Variants in SLFN5 observed in about 807,000 individuals in gnomAD.
SLFN5 encodes the protein schlafen family member 5.
SLFN5 carries 34 observed loss-of-function variants against 48.5 expected under a neutral mutation model. The observed-to-expected ratio is 0.70, with a 90% CI of 0.53 to 0.93. The LOEUF is 0.93. SLFN5 is among the 40% of genes least tolerant of loss of function. The probability of loss-of-function intolerance (pLI) is 0.00; values close to 1 mark genes in which losing one functional copy is unlikely to be tolerated. For missense variants in SLFN5, 1,006 were observed against 1,071.3 expected, an observed-to-expected ratio of 0.94 and a Z score of 0.85; for synonymous variants, 387 against 396.2, an observed-to-expected ratio of 0.98 and a Z score of 0.28.
At position 35,269,357 on chromosome 17, in the gene SLFN5, G is replaced by T. The variant is rs2142710327; in HGVS notation, c.*3469G>T. The stretch of plus-strand genomic sequence containing the variant: ...AAGTTAAGTTTAAATCCATTCACAT[G>T]TATATAATTAAGATATATAGGAATT... On this transcript the variant is annotated 3_prime_UTR_variant, in exon 5 of 5. Transcript: ENST00000299977. 1.3e-5 allele frequency: 2 copies of T among 152,172 alleles called. No homozygotes were observed. The highest frequency in any genetic ancestry group is 4.1e-4 in the South Asian group (2 of 4,824). 9.4% of individuals were successfully genotyped at this position (152,172 alleles called of 1,614,324 possible).
chr17:35,266,145 TGTG>T lies in SLFN5; in HGVS notation c.*258_*260del. 9.7e-6 allele frequency: 1 copy of T among 103,094 alleles called. No homozygotes were observed. The highest frequency in any genetic ancestry group is 1.6e-5 in the Non-Finnish European group (1 of 60,656). The allele number at this position is 103,094 out of a possible 1,614,324, so 6.4% of individuals were successfully genotyped here. ...TAGAGGACCGTGAGACTCAGAGATG[TGTG>T]TGTGTGTGTGTGTGTGTGTGTGTGT... On this transcript the variant is annotated 3_prime_UTR_variant, in exon 5 of 5. Transcript: ENST00000299977.
In SLFN5 at chr17:35,264,676, A is replaced by C. The variant is rs1462832131; in HGVS notation, c.1632A>C (p.Leu544Phe). Residue 544 changes from leucine (L) to phenylalanine (F), a missense_variant, in exon 4 of 5, where the codon TTA (leucine) becomes TTC (phenylalanine). Transcript: ENST00000299977. Reference sequence around the variant, plus strand: ...TCTTGCTTGGGTTCAAATCCTTCTTAAGTGAAGAGCTGGGCTCTGAGGTTT... The same window carrying C: ...TCTTGCTTGGGTTCAAATCCTTCTTCAGTGAAGAGCTGGGCTCTGAGGTTT... ...VIVLLGFKSFLSEELGSEVLN... is the reference protein window; with the variant it reads ...VIVLLGFKSFFSEELGSEVLN... 2 of 1,613,350 alleles carry C rather than the reference A, an allele frequency of 1.2e-6. No individual in the cohort carries two copies. Among genetic ancestry groups the C allele is most frequent in the Non-Finnish European group, 1.7e-6 (2 of 1,179,734 alleles).
rs2671820 is a variant in SLFN5, at chr17:35,271,690, A to G, written c.*5802A>G. The G allele has an allele frequency of 2.2e-3, 328 of 152,312 alleles. No individual in the cohort carries two copies. Among genetic ancestry groups the G allele is most frequent in the African/African-American group, 7.5e-3 (310 of 41,578 alleles). 9.4% of individuals were successfully genotyped at this position (152,312 alleles called of 1,614,324 possible). A position where few individuals can be genotyped will look rare whatever the true frequency, so the allele number is the denominator to read the frequency against. The stretch of plus-strand genomic sequence containing the variant: ...AATCTATAAATTCAGTGTAATCCCA[A>G]TAAAAATGCCAACAGGTTTTCCCCA... On this transcript the variant is annotated 3_prime_UTR_variant, in exon 5 of 5. Coordinates refer to ENST00000299977, the MANE Select transcript of SLFN5 (RefSeq NM_144975.4).
chr17:35,263,091 C>T (rs1369711213), intron 3 of SLFN5, among the ~76,000 whole-genome samples: 4 of 152,248 alleles, frequency 2.6e-5, no homozygotes, highest in African/African-American at 9.6e-5. Flanking sequence ...ATGTCAGCAA[C>T]ACAAACTGCT....
chr17:35,269,816 A>G lies in SLFN5; in HGVS notation c.*3928A>G, dbSNP rs943649910. The G allele has an allele frequency of 6.6e-6, 1 of 152,254 alleles. No individual in the cohort carries two copies. The highest frequency in any genetic ancestry group is 1.5e-5 in the Non-Finnish European group (1 of 68,052). 9.4% of individuals were successfully genotyped at this position (152,254 alleles called of 1,614,324 possible). A position where few individuals can be genotyped will look rare whatever the true frequency, so the allele number is the denominator to read the frequency against. On this transcript the variant is annotated 3_prime_UTR_variant, in exon 5 of 5. Coordinates refer to ENST00000299977, the MANE Select transcript of SLFN5 (RefSeq NM_144975.4). The stretch of plus-strand genomic sequence containing the variant: ...GAATATCAGTTACCAAAGTAGGATG[A>G]AAGGATGTTGGGTAGATCAAAACAA...
rs1904720028 is a variant in SLFN5, at chr17:35,267,148, A to G, written c.*1260A>G. On this transcript the variant is annotated 3_prime_UTR_variant, in exon 5 of 5. Coordinates refer to ENST00000299977, the MANE Select transcript of SLFN5 (RefSeq NM_144975.4). ...TTAGTCTATTGTGAAATGTTTTTAC[A>G]ACTAACTTGGAATATACTGCAAATC... is the stretch of plus-strand genomic sequence containing the variant. 1 of 152,238 alleles carries G rather than the reference A, an allele frequency of 6.6e-6. No individual in the cohort carries two copies. The highest frequency in any genetic ancestry group is 1.5e-5 in the Non-Finnish European group (1 of 68,040). The allele number at this position is 152,238 out of a possible 1,614,324, so 9.4% of individuals were successfully genotyped here. A position where few individuals can be genotyped will look rare whatever the true frequency, so the allele number is the denominator to read the frequency against.
chr17:35,260,344 A>G (rs1177998314), intron 2 of SLFN5, among the ~76,000 whole-genome samples: 1 of 152,230 alleles, frequency 6.6e-6, no homozygotes, highest in Non-Finnish European at 1.5e-5. Context: ...AGAAAAAACA[A>G]AGTCCACCTC....
Position 35,259,109 on chromosome 17 carries a change from G to T in SLFN5, c.419G>T (p.Arg140Met). 1 of 1,614,126 alleles carries T rather than the reference G, an allele frequency of 6.2e-7. No individual in the cohort carries two copies. Among genetic ancestry groups the T allele is most frequent in the Non-Finnish European group, 8.5e-7 (1 of 1,180,036 alleles). The change falls in exon 2 of 5, where the codon AGG (arginine) becomes ATG (methionine). Residue 140 changes from arginine (R) to methionine (M), a missense_variant. Transcript: ENST00000299977. ...SQEALAFLKCRTQTPTNINVS... is the reference protein window; with the variant it reads ...SQEALAFLKCMTQTPTNINVS... ...GAAGCTCTGGCATTCCTCAAATGCA[G>T]GACTCAGACTCCAACGAATATTAAT...
chr17:35,250,923 G>A (rs1418878252), intron 1 of SLFN5, among the ~76,000 whole-genome samples: 1 of 152,156 alleles, frequency 6.6e-6, no homozygotes, highest in Non-Finnish European at 1.5e-5. Flanking sequence ...AAGATTATCC[G>A]AAGTTATTGT....
intron 1 of SLFN5, among the ~76,000 whole-genome samples, chr17:35,245,142 T>TCACTTAAAGAAAG (rs1175200726): frequency 2.0e-5 from 3 of 152,224 alleles, no homozygotes; most frequent in Non-Finnish European, 4.4e-5. Flanking sequence ...TTTCACTGTT[T>TCACTTAAAGAAAG]CACTTAAAGA....
At position 35,271,549 on chromosome 17, in the gene SLFN5, C is replaced by T. The variant is rs983944503; in HGVS notation, c.*5661C>T. 1 of 152,008 alleles carries T rather than the reference C, an allele frequency of 6.6e-6. No individual in the cohort carries two copies. The highest frequency in any genetic ancestry group is 2.1e-4 in the South Asian group (1 of 4,810). 9.4% of individuals were successfully genotyped at this position (152,008 alleles called of 1,614,324 possible). A position where few individuals can be genotyped will look rare whatever the true frequency, so the allele number is the denominator to read the frequency against. On this transcript the variant is annotated 3_prime_UTR_variant, in exon 5 of 5. Coordinates refer to ENST00000299977, the MANE Select transcript of SLFN5 (RefSeq NM_144975.4). ...CAACAAGAAAATATAAGTTCTGCAA[C>T]AATAAAACTATACAATGAAACTAAA...
intron 1 of SLFN5, among the ~76,000 whole-genome samples, chr17:35,257,562 T>G (rs78870996): frequency 6.6e-6 from 1 of 152,010 alleles, no homozygotes; most frequent in Admixed American, 6.6e-5. Context: ...TTTTTTTTTT[T>G]GCACTAGTGC....
intron 1 of SLFN5, among the ~76,000 whole-genome samples, chr17:35,248,874 T>C (rs2092436377): frequency 6.6e-6 from 1 of 152,130 alleles, no homozygotes; most frequent in South Asian, 2.1e-4. Context: ...TCTCAGGTGC[T>C]AAATCCTGGA....
chr17:35,252,695 TTCA>T (rs1336906722), intron 1 of SLFN5, among the ~76,000 whole-genome samples: 1 of 152,200 alleles, frequency 6.6e-6, no homozygotes, highest in Admixed American at 6.5e-5. Flanking sequence ...TTTTCTAGTG[TTCA>T]TCAAATTTTC....
chr17:35,273,617 T>C lies in SLFN5; in HGVS notation c.*7729T>C, dbSNP rs1904888190. The C allele has an allele frequency of 8.1e-6, 1 of 122,984 alleles. No homozygotes were observed. Among genetic ancestry groups the C allele is most frequent in the South Asian group, 2.7e-4 (1 of 3,648 alleles). 7.6% of individuals were successfully genotyped at this position (122,984 alleles called of 1,614,324 possible). A position where few individuals can be genotyped will look rare whatever the true frequency, so the allele number is the denominator to read the frequency against. On this transcript the variant is annotated 3_prime_UTR_variant, in exon 5 of 5. Coordinates refer to ENST00000299977, the MANE Select transcript of SLFN5 (RefSeq NM_144975.4). ...TAACATTTTTATATTTGCTTCAAGC[T>C]TTTTTTTTAAATAAAAGAAATGCAA... is the stretch of plus-strand genomic sequence containing the variant.
In SLFN5 at chr17:35,257,002, G is replaced by A. The variant is rs118058857; in HGVS notation, c.-40-1649G>A. On this transcript the variant is annotated intron_variant, in intron 1 of 4. Transcript: ENST00000299977. Reference sequence around the variant, plus strand: ...ATGAACCCTATTGTGAACTGTGCATGTGAGGGATCTAGGCTGCGCACTCCT... The same window carrying A: ...ATGAACCCTATTGTGAACTGTGCATATGAGGGATCTAGGCTGCGCACTCCT... Among the ~76,000 whole-genome samples the A allele has an allele frequency of 2.2e-3, 335 of 152,282 alleles. 6 individuals carry two copies. The East Asian group carries it at 0.044, about 20-fold the overall frequency.
rs1482461121 is a variant in SLFN5 at position 35,267,510 on chromosome 17, A to C, written c.*1622A>C. 1 of 152,204 alleles carries C rather than the reference A, an allele frequency of 6.6e-6. No individual in the cohort carries two copies. Among genetic ancestry groups the C allele is most frequent in the Admixed American group, 6.6e-5 (1 of 15,264 alleles). 9.4% of individuals were successfully genotyped at this position (152,204 alleles called of 1,614,324 possible). ...AGTTCAAGACCAGCTTGAGCAATAT[A>C]GTGAGACCCTGTCTCTACAAAAACA... is the stretch of plus-strand genomic sequence containing the variant. On this transcript the variant is annotated 3_prime_UTR_variant, in exon 5 of 5. Coordinates refer to ENST00000299977, the MANE Select transcript of SLFN5 (RefSeq NM_144975.4).
intron 1 of SLFN5, among the ~76,000 whole-genome samples, chr17:35,251,451 G>C (rs2092442179): frequency 1.3e-5 from 2 of 152,184 alleles, no homozygotes; most frequent in African/African-American, 4.8e-5. Flanking sequence ...TGTCACCCAG[G>C]CTGGAGTGCA....
In SLFN5 at chr17:35,244,017, G is replaced by T. The variant is rs1437251310; in HGVS notation, c.-41+874G>T. On this transcript the variant is annotated intron_variant, in intron 1 of 4. Transcript: ENST00000299977. ...CGGGGAAAAGTCTTTCTTCGTCTCA[G>T]ATTACATCTTGAACCACCAGACTTC... Among the ~76,000 whole-genome samples, 3 of 152,184 alleles carry T rather than the reference G, an allele frequency of 2.0e-5. No homozygotes were observed. The East Asian group carries it at 5.8e-4, about 29-fold the overall frequency.
Sources: allele counts gnomAD v4.1 joint callset (sites outside exome capture counted in the v4.1 genomes callset), GRCh38; gene constraint gnomAD v4.1.1; transcripts MANE v1.5; gene names NCBI Gene and HGNC (gene_info 2026-07-23, HGNC 2026-07-21).